The following MALRD1 variants were observed in gnomAD, a reference collection of about 807,000 sequenced individuals.
MALRD1 encodes the protein MAM and LDL-receptor class A domain-containing protein 1.
In MALRD1, 247 loss-of-function variants were observed where a neutral mutation model predicts 242.1. The observed-to-expected ratio is 1.02, with a 90% CI of 0.92 to 1.13. The LOEUF (loss-of-function observed/expected upper bound fraction) is 1.13, where lower values mean the gene tolerates loss of function less well. MALRD1 is among the 50% of genes most tolerant of loss of function. MALRD1 has a pLI of 0.00. For synonymous variants in MALRD1, 995 were observed against 866.6 expected (o/e 1.15, Z -2.60); for missense variants, 2,989 against 2,533.1 (o/e 1.18, Z -3.86).
chr10:19,375,374 G>A (rs555689753), intron 26 of MALRD1, among the ~76,000 whole-genome samples: 1 of 152,278 alleles, frequency 6.6e-6, no homozygotes, highest in African/African-American at 2.4e-5. Context: ...GCTTGATCTA[G>A]TGTTGTGTTT....
chr10:19,676,505 G>T (rs761227383), intron 36 of MALRD1, among the ~76,000 whole-genome samples: 4 of 152,096 alleles, frequency 2.6e-5, no homozygotes, highest in Non-Finnish European at 5.9e-5. Context: ...CTGATGCCTG[G>T]AATGACATGA....
intron 36 of MALRD1, among the ~76,000 whole-genome samples, chr10:19,670,199 C>T (rs1342127913): frequency 6.6e-6 from 1 of 152,048 alleles, no homozygotes; most frequent in Non-Finnish European, 1.5e-5. Context: ...TTAAAAATTA[C>T]TCCAAATGTA....
rs1163268193 is a variant in MALRD1 at position 19,508,150 on chromosome 10, C to A, written c.5320+9504C>A. On this transcript the variant is annotated intron_variant, in intron 31 of 39. Transcript: ENST00000454679. ...GAAGAGTGAGTTAAATAAAATGTTA[C>A]ATGTAACTACTGCAATAAAGATGCT... Among the ~76,000 whole-genome samples the A allele has an allele frequency of 2.6e-5, 4 of 152,064 alleles. No homozygotes were observed. In the East Asian group the frequency reaches 7.7e-4, roughly 29 times the overall value.
intron 28 of MALRD1, among the ~76,000 whole-genome samples, chr10:19,392,946 A>G (rs1263473611): frequency 6.6e-6 from 1 of 152,146 alleles, no homozygotes; most frequent in Non-Finnish European, 1.5e-5. Flanking sequence ...GTGGGAAGCA[A>G]TGAGAATCTC....
intron 18 of MALRD1, among the ~76,000 whole-genome samples, chr10:19,236,196 C>T (rs1425227162): frequency 6.6e-6 from 1 of 152,188 alleles, no homozygotes; most frequent in Non-Finnish European, 1.5e-5. Context: ...TTTTCACTCT[C>T]TTAGCCCCAT....
intron 29 of MALRD1, among the ~76,000 whole-genome samples, chr10:19,461,326 G>C (rs992561838): frequency 3.7e-4 from 56 of 152,144 alleles, no homozygotes; most frequent in African/African-American, 1.3e-3. Flanking sequence ...TCAGGAAGGA[G>C]TTCAGAGAAA....
intron 14 of MALRD1, among the ~76,000 whole-genome samples, chr10:19,200,725 A>G (rs761786850): frequency 2.8e-4 from 40 of 143,394 alleles, no homozygotes; most frequent in South Asian, 9.2e-4. Flanking sequence ...CAAAAAAATG[A>G]CAGGGATGGA....
At position 19,673,910 on chromosome 10, in the gene MALRD1, T is replaced by C. The variant is rs1055143325; in HGVS notation, c.6138-18372T>C. The stretch of plus-strand genomic sequence containing the variant: ...TTTAAATATATATACATAATTTATA[T>C]GCGTGTGCATGTATGTATCTGGGTG... On this transcript the variant is annotated intron_variant, in intron 36 of 39. Coordinates refer to ENST00000454679, the MANE Select transcript of MALRD1 (RefSeq NM_001142308.3). Among the ~76,000 whole-genome samples, 8 of 151,986 alleles carry C rather than the reference T, an allele frequency of 5.3e-5. No homozygotes were observed. In the East Asian group the frequency reaches 1.3e-3, roughly 26 times the overall value.
intron 31 of MALRD1, among the ~76,000 whole-genome samples, chr10:19,504,628 C>T (rs1195571206): frequency 2.7e-5 from 4 of 149,218 alleles, no homozygotes; most frequent in African/African-American, 9.9e-5. Flanking sequence ...CACACACACA[C>T]ATATACAAAA....
chr10:19,269,680 C>T (rs1840121079), intron 19 of MALRD1, among the ~76,000 whole-genome samples: 1 of 149,372 alleles, frequency 6.7e-6, no homozygotes, highest in African/African-American at 2.4e-5. Flanking sequence ...AGTTCAGCTC[C>T]AGAAGAAGAA....
chr10:19,437,164 G>A (rs1339028948), intron 28 of MALRD1, among the ~76,000 whole-genome samples: 1 of 152,104 alleles, frequency 6.6e-6, no homozygotes, highest in Non-Finnish European at 1.5e-5. Flanking sequence ...ACAATACAGA[G>A]CTTAAATCTT....
rs938786120 is a variant in MALRD1, at chr10:19,553,155, A to G, written c.5479-14347A>G. On this transcript the variant is annotated intron_variant, in intron 32 of 39. Transcript: ENST00000454679. ...CATATAATGTATGTGGTTATTGACAATCTGGGAATTTAAAGGTGCAGCCCT... is the reference window on the plus strand; with the variant it reads ...CATATAATGTATGTGGTTATTGACAGTCTGGGAATTTAAAGGTGCAGCCCT... Among the ~76,000 whole-genome samples, 9 of 152,208 alleles carry G rather than the reference A, an allele frequency of 5.9e-5. No individual in the cohort carries two copies. In the East Asian group the frequency reaches 7.7e-4, roughly 13 times the overall value.
chr10:19,677,533 A>C (rs559491026), intron 36 of MALRD1, among the ~76,000 whole-genome samples: 18 of 151,944 alleles, frequency 1.2e-4, no homozygotes, highest in African/African-American at 3.6e-4. Flanking sequence ...TATTTTTGTA[A>C]ATTTGTTTAA....
intron 5 of MALRD1, among the ~76,000 whole-genome samples, chr10:19,113,714 G>T (rs1308071962): frequency 2.7e-5 from 4 of 150,154 alleles, no homozygotes; most frequent in Non-Finnish European, 5.9e-5. Context: ...CTGAGCAAAA[G>T]TTTCTTGTGA....
At chr10:19,614,262 G>C (rs1221786074) in intron 35 of MALRD1, among the ~76,000 whole-genome samples, 1 of 151,998 alleles carries the variant, frequency 6.6e-6, no homozygotes, top group Admixed American at 6.6e-5. Context: ...GCTGAGAAGA[G>C]CAACTGGGCT....
At chr10:19,670,980 G>A (rs1038292292) in intron 36 of MALRD1, among the ~76,000 whole-genome samples, 1 of 151,060 alleles carries the variant, frequency 6.6e-6, no homozygotes, top group Non-Finnish European at 1.5e-5. Flanking sequence ...CCGGGTTCAC[G>A]CCATTCTCCT....
At chr10:19,433,726 A>G (rs1032337012) in intron 28 of MALRD1, among the ~76,000 whole-genome samples, 1 of 152,156 alleles carries the variant, frequency 6.6e-6, no homozygotes, top group Non-Finnish European at 1.5e-5. Flanking sequence ...ACCTGTGTGG[A>G]GAATACAAAG....
At chr10:19,363,297 A>G (rs1844974339) in intron 26 of MALRD1, among the ~76,000 whole-genome samples, 2 of 152,278 alleles carry the variant, frequency 1.3e-5, no homozygotes, top group South Asian at 4.1e-4. Context: ...TGGGACATTC[A>G]ACATTATGAG....
At position 19,531,323 on chromosome 10, in the gene MALRD1, T is replaced by C. The variant is rs1448413417; in HGVS notation, c.5450T>C (p.Ile1817Thr). 61 of 1,548,740 alleles carry C rather than the reference T, an allele frequency of 3.9e-5. No individual in the cohort carries two copies. Among genetic ancestry groups the C allele is most frequent in the Non-Finnish European group, 5.2e-5 (60 of 1,145,754 alleles). Residue 1817 changes from isoleucine to threonine, a missense_variant, in exon 32 of 40, where the codon ATT (isoleucine) becomes ACT (threonine). Ile to Thr is a moderately conservative substitution (Grantham distance 89). Transcript: ENST00000454679. ...MCTVRFWFYMIDPRSMGILKV... is the reference protein window; with the variant it reads ...MCTVRFWFYMTDPRSMGILKV... ...ACTGTTCGGTTCTGGTTCTACATGA[T>C]TGATCCCAGGAGTATGGGAATATTA... is the stretch of plus-strand genomic sequence containing the variant.
Sources: allele counts gnomAD v4.1 joint callset (sites outside exome capture counted in the v4.1 genomes callset), GRCh38; gene constraint gnomAD v4.1.1; transcripts MANE v1.5; gene names NCBI Gene and HGNC (gene_info 2026-07-23, HGNC 2026-07-21).